The following ARHGAP15 variants were observed in gnomAD, a reference collection of about 807,000 sequenced individuals.
The protein encoded by ARHGAP15 is Rho GTPase activating protein 15, also known as rho GTPase-activating protein 15.
ARHGAP15 carries 51 observed loss-of-function variants against 63.7 expected under a neutral mutation model. The observed-to-expected ratio is 0.80, with a 90% confidence interval of 0.64 to 1.01. ARHGAP15 has a LOEUF of 1.01. Among genes scored for constraint, ARHGAP15 ranks in the 50% least tolerant of loss-of-function variants. ARHGAP15 has a pLI of 0.00. For synonymous variants in ARHGAP15, 191 were observed against 193.8 expected, an observed-to-expected ratio of 0.99 and a Z score of 0.12; for missense variants, 560 against 564.6, an observed-to-expected ratio of 0.99 and a Z score of 0.08.
At chr2:143,304,118 GATT>G (rs1160648819) in intron 6 of ARHGAP15, among the ~76,000 whole-genome samples, 1 of 152,074 alleles carries the variant, frequency 6.6e-6, no homozygotes, top group Non-Finnish European at 1.5e-5. Flanking sequence ...ATACTTAAAG[GATT>G]ATAAATCATG....
At chr2:143,333,338 G>A (rs1684630629) in intron 6 of ARHGAP15, among the ~76,000 whole-genome samples, 1 of 152,170 alleles carries the variant, frequency 6.6e-6, no homozygotes, top group Admixed American at 6.5e-5. Flanking sequence ...ACACGTCGGT[G>A]AACTTTATCA....
At chr2:143,368,532 G>A (rs1193724537) in intron 6 of ARHGAP15, among the ~76,000 whole-genome samples, 1 of 152,066 alleles carries the variant, frequency 6.6e-6, no homozygotes, top group Non-Finnish European at 1.5e-5. Flanking sequence ...GATCAGATTT[G>A]ATTTTGGAAT....
chr2:143,173,964 G>A (rs2105054533), intron 2 of ARHGAP15, among the ~76,000 whole-genome samples: 1 of 152,178 alleles, frequency 6.6e-6, no homozygotes, highest in Admixed American at 6.5e-5. Flanking sequence ...CTCCTTGGTT[G>A]AATTCCCTCC....
chr2:143,558,581 G>A (rs1224223890), intron 11 of ARHGAP15, among the ~76,000 whole-genome samples: 1 of 152,132 alleles, frequency 6.6e-6, no homozygotes, highest in Non-Finnish European at 1.5e-5. Context: ...ATAGGATACT[G>A]GCTGAAATGT....
At chr2:143,216,548 G>A in intron 4 of ARHGAP15, 103 bp downstream of exon 4, 1 of 768,334 alleles carries the variant, frequency 1.3e-6, no homozygotes, top group Non-Finnish European at 2.2e-6. Context: ...TATGGTACCA[G>A]ACTAGAACAG....
intron 11 of ARHGAP15, among the ~76,000 whole-genome samples, chr2:143,615,366 C>A (rs779947909): frequency 2.2e-4 from 33 of 152,148 alleles, no homozygotes; most frequent in Admixed American, 1.1e-3. Flanking sequence ...AAATCCATAT[C>A]CTTTTCAATG....
intron 11 of ARHGAP15, among the ~76,000 whole-genome samples, chr2:143,610,653 A>T (rs953906008): frequency 1.3e-5 from 2 of 152,166 alleles, no homozygotes; most frequent in South Asian, 4.1e-4. Context: ...AATTAGCTAC[A>T]CATCAAAGAG....
chr2:143,507,421 G>T (rs2104948835), intron 9 of ARHGAP15, among the ~76,000 whole-genome samples: 1 of 152,214 alleles, frequency 6.6e-6, no homozygotes. Context: ...ACTTCCTATT[G>T]AAACTCTCAT....
chr2:143,721,756 G>A (rs1259517271), intron 13 of ARHGAP15, among the ~76,000 whole-genome samples: 2 of 151,394 alleles, frequency 1.3e-5, no homozygotes, highest in African/African-American at 4.9e-5. Context: ...GCGGGATCTT[G>A]GCTCACTGCA....
chr2:143,303,531 C>CA (rs761170103), intron 6 of ARHGAP15, among the ~76,000 whole-genome samples: 16 of 151,848 alleles, frequency 1.1e-4, no homozygotes, highest in Non-Finnish European at 2.2e-4. Flanking sequence ...AAAAGCTAGG[C>CA]AATACATTCA....
chr2:143,647,916 C>T (rs1680966311), intron 12 of ARHGAP15, among the ~76,000 whole-genome samples: 1 of 151,908 alleles, frequency 6.6e-6, no homozygotes, highest in Non-Finnish European at 1.5e-5. Flanking sequence ...CAGACATGCC[C>T]TCTTCATTAT....
intron 10 of ARHGAP15, among the ~76,000 whole-genome samples, chr2:143,533,682 CTG>C (rs1694620096): frequency 6.6e-6 from 1 of 152,134 alleles, no homozygotes; most frequent in Non-Finnish European, 1.5e-5. Flanking sequence ...TAAAAGCATG[CTG>C]TGTTTCCAAG....
rs573499792 is a variant in ARHGAP15, at chr2:143,718,478, C to T, written c.1244+14954C>T. 1.5e-4 allele frequency among the ~76,000 whole-genome samples: 23 copies of T among 152,242 alleles called. No individual in the cohort carries two copies. In the East Asian group the frequency reaches 3.7e-3, roughly 24 times the overall value. ...TGACATTTTTTGGTCTATAATTTTTCCCCAGCTCCATTCATTAATATGTAA... is the reference window on the plus strand; with the variant it reads ...TGACATTTTTTGGTCTATAATTTTTTCCCAGCTCCATTCATTAATATGTAA... On this transcript the variant is annotated intron_variant, in intron 13 of 13. Coordinates refer to ENST00000295095, the MANE Select transcript of ARHGAP15 (RefSeq NM_018460.4).
chr2:143,354,858 G>A (rs1685740293), intron 6 of ARHGAP15, among the ~76,000 whole-genome samples: 1 of 152,076 alleles, frequency 6.6e-6, no homozygotes, highest in Non-Finnish European at 1.5e-5. Flanking sequence ...GTTTATGAAA[G>A]CCGGCAACAC....
chr2:143,761,199 T>C (rs780651368), intron 13 of ARHGAP15, among the ~76,000 whole-genome samples: 2 of 152,200 alleles, frequency 1.3e-5, no homozygotes, highest in Non-Finnish European at 2.9e-5. Flanking sequence ...TTGAGCATAT[T>C]GAAAATTTAT....
chr2:143,305,084 C>T (rs1365517371), intron 6 of ARHGAP15, among the ~76,000 whole-genome samples: 5 of 152,042 alleles, frequency 3.3e-5, no homozygotes, highest in Admixed American at 1.3e-4. Flanking sequence ...ACCCAAATGC[C>T]ATCAATGATA....
chr2:143,158,986 A>T (rs144473294), intron 2 of ARHGAP15, among the ~76,000 whole-genome samples: 1 of 151,966 alleles, frequency 6.6e-6, no homozygotes, highest in East Asian at 1.9e-4. Context: ...AGCCCGAATC[A>T]GGAAACTGCA....
intron 2 of ARHGAP15, among the ~76,000 whole-genome samples, chr2:143,195,200 A>T (rs2105098402): frequency 6.6e-6 from 1 of 152,268 alleles, no homozygotes; most frequent in Non-Finnish European, 1.5e-5. Flanking sequence ...AAAGAGGCTT[A>T]GGGAAGAGCC....
chr2:143,361,380 TTAAG>T (rs1686046714), intron 6 of ARHGAP15, among the ~76,000 whole-genome samples: 2 of 152,182 alleles, frequency 1.3e-5, no homozygotes, highest in African/African-American at 4.8e-5. Context: ...ACATTATTAA[TTAAG>T]AGAGACCTCT....
Sources: allele counts gnomAD v4.1 joint callset (sites outside exome capture counted in the v4.1 genomes callset), GRCh38; gene constraint gnomAD v4.1.1; transcripts MANE v1.5; gene names NCBI Gene and HGNC (gene_info 2026-07-23, HGNC 2026-07-21).